The following ITSN1 variants were observed in gnomAD, a reference collection of about 807,000 sequenced individuals.
ITSN1 encodes intersectin 1.
In ITSN1, 58 loss-of-function variants were observed where a neutral mutation model predicts 239.8. The observed-to-expected ratio is 0.24, with a 90% CI of 0.20 to 0.30. The LOEUF is 0.30. Ranked by LOEUF, ITSN1 falls within the 10% of genes least tolerant of loss-of-function variation. ITSN1 has a pLI of 1.00. For missense variants in ITSN1, 1,558 were observed against 2,103.3 expected (o/e 0.74, Z 5.07); for synonymous variants, 780 against 770.8 (o/e 1.01, Z -0.20).
chr21:33,649,644 C>T (rs1292876796), intron 1 of ITSN1, among the ~76,000 whole-genome samples: 1 of 151,972 alleles, frequency 6.6e-6, no homozygotes, highest in Non-Finnish European at 1.5e-5. Context: ...TGCGTTTGGC[C>T]CTTCATTGAG....
At chr21:33,664,294 G>A (rs1490138770) in intron 1 of ITSN1, among the ~76,000 whole-genome samples, 1 of 152,160 alleles carries the variant, frequency 6.6e-6, no homozygotes, top group Admixed American at 6.5e-5. Context: ...TACATTGTTG[G>A]TGTGAATGTA....
chr21:33,746,428 T>C (rs914262701), intron 5 of ITSN1, among the ~76,000 whole-genome samples: 7 of 152,066 alleles, frequency 4.6e-5, no homozygotes, highest in African/African-American at 1.7e-4. Context: ...TTCAAAGAAC[T>C]GAAGAACTAA....
intron 39 of ITSN1, 35 bp from the exon 40 acceptor site, chr21:33,888,117 T>C: frequency 1.5e-6 from 2 of 1,334,658 alleles, no homozygotes; most frequent in Non-Finnish European, 2.1e-6. Context: ...GAGGGAATGG[T>C]CCCTCTTAGG....
intron 33 of ITSN1, among the ~76,000 whole-genome samples, chr21:33,875,104 G>A (rs1436241870): frequency 4.6e-5 from 7 of 152,124 alleles, no homozygotes; most frequent in Non-Finnish European, 8.8e-5. Flanking sequence ...CAGGGTGTGG[G>A]GCTGGACTGA....
intron 26 of ITSN1, among the ~76,000 whole-genome samples, chr21:33,828,506 G>A (rs1004725837): frequency 3.3e-5 from 5 of 152,194 alleles, no homozygotes; most frequent in African/African-American, 7.2e-5. Context: ...GAATGAGAGC[G>A]GCTTGCTTAA....
chr21:33,832,414 A>G (rs1160656081), intron 27 of ITSN1, among the ~76,000 whole-genome samples: 3 of 152,226 alleles, frequency 2.0e-5, no homozygotes, highest in African/African-American at 7.2e-5. Context: ...TGGAGGCAGC[A>G]GCCGTATTTT....
chr21:33,677,732 G>C (rs2090684841), intron 1 of ITSN1, among the ~76,000 whole-genome samples: 1 of 152,046 alleles, frequency 6.6e-6, no homozygotes. Flanking sequence ...ACCCATTTAG[G>C]CAGGCCAGAA....
intron 4 of ITSN1, among the ~76,000 whole-genome samples, chr21:33,730,384 T>C (rs1377193125): frequency 6.9e-6 from 1 of 145,638 alleles, no homozygotes; most frequent in Non-Finnish European, 1.5e-5. Context: ...AAATGCTCTC[T>C]GTTCTTTTTT....
chr21:33,842,365 C>T (rs2074852014), intron 29 of ITSN1, among the ~76,000 whole-genome samples: 1 of 152,116 alleles, frequency 6.6e-6, no homozygotes, highest in African/African-American at 2.4e-5. Flanking sequence ...TGACCTGATT[C>T]TCAAAAATGT....
intron 5 of ITSN1, among the ~76,000 whole-genome samples, chr21:33,748,954 G>A (rs2067365694): frequency 6.6e-6 from 1 of 151,008 alleles, no homozygotes; most frequent in Non-Finnish European, 1.5e-5. Context: ...ATTAAAGTTG[G>A]GACAGAGAAA....
At chr21:33,720,590 A>C (rs1414037402) in intron 2 of ITSN1, among the ~76,000 whole-genome samples, 1 of 152,114 alleles carries the variant, frequency 6.6e-6, no homozygotes, top group African/African-American at 2.4e-5. Context: ...TGTTTCCTGC[A>C]TACTGAGATA....
chr21:33,643,057 C>T (rs1446166782), intron 1 of ITSN1, among the ~76,000 whole-genome samples: 2 of 150,296 alleles, frequency 1.3e-5, no homozygotes, highest in African/African-American at 2.4e-5. Context: ...CTCGCGGGGA[C>T]CCCGGGCGGC....
chr21:33,846,280 C>T (rs4816466), intron 29 of ITSN1, among the ~76,000 whole-genome samples: 25,685 of 152,128 alleles, frequency 0.17, 2,934 homozygotes, highest in East Asian at 0.37. Flanking sequence ...TCACCTCTCC[C>T]GATTTCGCTG....
intron 36 of ITSN1, among the ~76,000 whole-genome samples, chr21:33,883,904 T>TTG (rs936621109): frequency 1.3e-5 from 2 of 149,226 alleles, no homozygotes; most frequent in Non-Finnish European, 3.0e-5. Context: ...GTTTTTTTTT[T>TTG]TTTTTTTTTT....
chr21:33,822,014 T>C (rs2073706953), intron 24 of ITSN1, among the ~76,000 whole-genome samples: 1 of 152,228 alleles, frequency 6.6e-6, no homozygotes, highest in Non-Finnish European at 1.5e-5. Flanking sequence ...CAATTTTCAC[T>C]GTGGAGGTAT....
At chr21:33,772,596 T>A (rs1001450858) in intron 12 of ITSN1, among the ~76,000 whole-genome samples, 2 of 152,206 alleles carry the variant, frequency 1.3e-5, no homozygotes, top group Non-Finnish European at 2.9e-5. Flanking sequence ...TCAGGACATT[T>A]TTTATAAATG....
chr21:33,766,820 TAATG>T (rs1484527295), intron 10 of ITSN1, among the ~76,000 whole-genome samples: 3 of 152,216 alleles, frequency 2.0e-5, no homozygotes, highest in Non-Finnish European at 4.4e-5. Context: ...TGGAAGCTGA[TAATG>T]AATGCGTAAA....
intron 24 of ITSN1, among the ~76,000 whole-genome samples, chr21:33,823,139 TTAAAAA>T (rs2073785777): frequency 6.6e-6 from 1 of 152,238 alleles, no homozygotes; most frequent in Non-Finnish European, 1.5e-5. Context: ...TAACTCTTAG[TTAAAAA>T]TAAATGTAAA....
Position 33,818,045 on chromosome 21 carries a change from C to T in ITSN1, c.2728-222C>T, listed in dbSNP as rs756580862. The T allele has an allele frequency of 6.1e-5, 35 of 571,966 alleles. 1 individual carries two copies. The highest frequency in any genetic ancestry group is 1.8e-4 in the Admixed American group (6 of 32,550). 35.4% of individuals were successfully genotyped at this position (571,966 alleles called of 1,614,324 possible). A position where few individuals can be genotyped will look rare whatever the true frequency, so the allele number is the denominator to read the frequency against. On this transcript the variant is annotated intron_variant, in intron 22 of 39. Transcript: ENST00000381318. The stretch of plus-strand genomic sequence containing the variant: ...AGAGTTCTAGATGGTCAGACAATGA[C>T]TTTGTGAAGAGGCTGGAAGGCTTTG...
Sources: allele counts gnomAD v4.1 joint callset (sites outside exome capture counted in the v4.1 genomes callset), GRCh38; gene constraint gnomAD v4.1.1; transcripts MANE v1.5; gene names NCBI Gene and HGNC (gene_info 2026-07-23, HGNC 2026-07-21).